The following SLX4IP variants were observed in gnomAD, a reference collection of about 807,000 sequenced individuals.
The protein encoded by SLX4IP is protein SLX4IP.
SLX4IP carries 34 observed loss-of-function variants against 32.9 expected under a neutral mutation model. The ratio of observed to expected loss-of-function variants is 1.03; its 90% CI spans 0.79 to 1.38. The LOEUF (loss-of-function observed/expected upper bound fraction) is 1.38, where lower values mean the gene tolerates loss of function less well. Ranked by LOEUF, SLX4IP falls within the 40% of genes most tolerant of loss-of-function variation. The probability of loss-of-function intolerance (pLI) is 0.00; values close to 1 mark genes in which losing one functional copy is unlikely to be tolerated. For synonymous variants in SLX4IP, 172 were observed against 171.7 expected, an observed-to-expected ratio of 1.00 and a Z score of -0.01; for missense variants, 444 against 479.0, an observed-to-expected ratio of 0.93 and a Z score of 0.68.
intron 6 of SLX4IP, among the ~76,000 whole-genome samples, chr20:10,616,136 G>A (rs920611808): frequency 6.6e-6 from 1 of 152,086 alleles, no homozygotes. Flanking sequence ...ACCAAAGATT[G>A]TCGAGTCACC....
chr20:10,531,335 G>A (rs1347121521), intron 2 of SLX4IP, among the ~76,000 whole-genome samples: 3 of 152,308 alleles, frequency 2.0e-5, no homozygotes, highest in Non-Finnish European at 4.4e-5. Flanking sequence ...ATTGCATAGG[G>A]TTTGAGGTAT....
rs1246182956 is a variant in SLX4IP at position 10,624,734 on chromosome 20, G to C, written c.*1355G>C. ...AGGCATAGTGTAGGTTCATGCTTGA[G>C]ATGGATTAGTGGTTTATTCCATCCC... On this transcript the variant is annotated 3_prime_UTR_variant, in exon 8 of 8. Transcript: ENST00000334534. The C allele has an allele frequency of 6.6e-6, 1 of 152,128 alleles. No individual in the cohort carries two copies. Among genetic ancestry groups the C allele is most frequent in the Non-Finnish European group, 1.5e-5 (1 of 68,030 alleles). 9.4% of individuals were successfully genotyped at this position (152,128 alleles called of 1,614,324 possible).
rs1262211722 is a variant in SLX4IP at position 10,624,809 on chromosome 20, A to C, written c.*1430A>C. The C allele has an allele frequency of 1.3e-5, 2 of 152,036 alleles. No homozygotes were observed. Among genetic ancestry groups the C allele is most frequent in the Non-Finnish European group, 2.9e-5 (2 of 68,038 alleles). 9.4% of individuals were successfully genotyped at this position (152,036 alleles called of 1,614,324 possible). A position where few individuals can be genotyped will look rare whatever the true frequency, so the allele number is the denominator to read the frequency against. On this transcript the variant is annotated 3_prime_UTR_variant, in exon 8 of 8. Coordinates refer to ENST00000334534, the MANE Select transcript of SLX4IP (RefSeq NM_001009608.3). ...GTCCCCACTTGTTAAGACCAGTAAGACTCATGAAGCAGCAGCTATATTTCA... is the reference window on the plus strand; with the variant it reads ...GTCCCCACTTGTTAAGACCAGTAAGCCTCATGAAGCAGCAGCTATATTTCA...
intron 2 of SLX4IP, among the ~76,000 whole-genome samples, chr20:10,535,734 A>G (rs186800906): frequency 1.3e-5 from 2 of 152,350 alleles, no homozygotes; most frequent in East Asian, 1.9e-4. Flanking sequence ...CCTGTGTTGC[A>G]TGCACATTCA....
chr20:10,580,948 T>A (rs186525516), intron 4 of SLX4IP, among the ~76,000 whole-genome samples: 17 of 152,226 alleles, frequency 1.1e-4, no homozygotes, highest in East Asian at 3.9e-4. Context: ...ATAGAAATGA[T>A]TGACAATAAT....
chr20:10,624,355 A>C lies in SLX4IP; in HGVS notation c.*976A>C, dbSNP rs1019239583. 2.6e-5 allele frequency: 4 copies of C among 152,292 alleles called. No homozygotes were observed. The highest frequency in any genetic ancestry group is 9.6e-5 in the African/African-American group (4 of 41,558). 9.4% of individuals were successfully genotyped at this position (152,292 alleles called of 1,614,324 possible). A position where few individuals can be genotyped will look rare whatever the true frequency, so the allele number is the denominator to read the frequency against. On this transcript the variant is annotated 3_prime_UTR_variant, in exon 8 of 8. Coordinates refer to ENST00000334534, the MANE Select transcript of SLX4IP (RefSeq NM_001009608.3). ...ACCAGGTTCCAGTTTCCCAGTTGGA[A>C]GGCTTCGCAGGCAGTTCAAATTTCA... is the stretch of plus-strand genomic sequence containing the variant.
chr20:10,475,885 A>G (rs1474459103), intron 2 of SLX4IP, among the ~76,000 whole-genome samples: 1 of 152,220 alleles, frequency 6.6e-6, no homozygotes, highest in Non-Finnish European at 1.5e-5. Context: ...TTTACAATTT[A>G]GAGACTTTGC....
At position 10,621,398 on chromosome 20, in the gene SLX4IP, A is replaced by C. The variant is rs1181817985; in HGVS notation, c.490A>C (p.Asn164His). ...TCCTCCCAGTGCAAAGCTCCGGAGA[A>C]ATGCTCTGAAAGAAATGTAGGTGCA... The part of the protein sequence containing the change: ...SLPPSAKLRR[N>H]ALKEIVKRTE... Residue 164 changes from asparagine (N) to histidine (H), a missense_variant, in exon 7 of 8, where the codon AAT becomes CAT. Asn to His is a moderately conservative substitution (Grantham distance 68). Transcript: ENST00000334534. 6.2e-7 allele frequency: 1 copy of C among 1,614,022 alleles called. No homozygotes were observed. Among genetic ancestry groups the C allele is most frequent in the East Asian group, 2.2e-5 (1 of 44,890 alleles).
At chr20:10,445,311 CTTTTTTTTTTTT>C (rs36058168) in intron 1 of SLX4IP, among the ~76,000 whole-genome samples, 9 of 90,186 alleles carry the variant, frequency 1.0e-4, no homozygotes, top group South Asian at 4.1e-4. Context: ...TTTTTTCTTT[CTTTTTTTTTTTT>C]TTTTTTTTTG....
intron 4 of SLX4IP, 38 bp downstream of exon 4, chr20:10,560,858 A>G (rs1425048346): frequency 1.3e-6 from 2 of 1,535,510 alleles, no homozygotes; most frequent in Admixed American, 2.1e-5. Flanking sequence ...CAAAAAATAA[A>G]TAGAATTTCT....
intron 2 of SLX4IP, among the ~76,000 whole-genome samples, chr20:10,462,778 A>G (rs1600896192): frequency 6.6e-6 from 1 of 152,232 alleles, no homozygotes; most frequent in Non-Finnish European, 1.5e-5. Flanking sequence ...TTTTGCCTAG[A>G]AAGTGTAAGG....
intron 6 of SLX4IP, among the ~76,000 whole-genome samples, chr20:10,617,284 C>A (rs1169797375): frequency 6.6e-6 from 1 of 152,196 alleles, no homozygotes; most frequent in African/African-American, 2.4e-5. Context: ...TATAGATGCC[C>A]TCGCCCCATC....
intron 2 of SLX4IP, among the ~76,000 whole-genome samples, chr20:10,510,225 G>C (rs544049692): frequency 2.6e-5 from 4 of 152,338 alleles, no homozygotes; most frequent in Admixed American, 6.5e-5. Flanking sequence ...GATTGGTGAA[G>C]GGAAAGAGGC....
At chr20:10,520,371 G>A (rs994553437) in intron 2 of SLX4IP, among the ~76,000 whole-genome samples, 6 of 152,010 alleles carry the variant, frequency 3.9e-5, no homozygotes, top group African/African-American at 1.2e-4. Flanking sequence ...TTTTCAATTG[G>A]GTTATTTATC....
At chr20:10,579,996 AT>A (rs1443503730) in intron 4 of SLX4IP, among the ~76,000 whole-genome samples, 1 of 152,070 alleles carries the variant, frequency 6.6e-6, no homozygotes, top group Non-Finnish European at 1.5e-5. Context: ...TTCTCCAGAG[AT>A]TTAGATTAAA....
chr20:10,573,174 A>C (rs925729251), intron 4 of SLX4IP, among the ~76,000 whole-genome samples: 1 of 152,046 alleles, frequency 6.6e-6, no homozygotes, highest in Non-Finnish European at 1.5e-5. Context: ...TTTTGTATTT[A>C]TTTTCCCAGC....
intron 2 of SLX4IP, among the ~76,000 whole-genome samples, chr20:10,465,297 G>A (rs2065371074): frequency 6.6e-6 from 1 of 152,030 alleles, no homozygotes; most frequent in Non-Finnish European, 1.5e-5. Context: ...CAGCCCACAT[G>A]CCAGCTGCTT....
At chr20:10,496,547 T>A (rs1252162785) in intron 2 of SLX4IP, among the ~76,000 whole-genome samples, 1 of 152,198 alleles carries the variant, frequency 6.6e-6, no homozygotes, top group East Asian at 1.9e-4. Context: ...TTTTGCTTTA[T>A]CATCCCATAA....
In SLX4IP at chr20:10,586,144, G is replaced by A. The variant is rs1012513200; in HGVS notation, c.239-12531G>A. Among the ~76,000 whole-genome samples the A allele has an allele frequency of 2.6e-5, 4 of 152,200 alleles. No individual in the cohort carries two copies. In the South Asian group the frequency reaches 8.3e-4, roughly 32 times the overall value. ...TGTCCCTTGAATATCTCTCTCTCTT[G>A]TTAGTCCTATGGCTACTGATGATCC... is the stretch of plus-strand genomic sequence containing the variant. On this transcript the variant is annotated intron_variant, in intron 4 of 7. Coordinates refer to ENST00000334534, the MANE Select transcript of SLX4IP (RefSeq NM_001009608.3).
Sources: allele counts gnomAD v4.1 joint callset (sites outside exome capture counted in the v4.1 genomes callset), GRCh38; gene constraint gnomAD v4.1.1; transcripts MANE v1.5; gene names NCBI Gene and HGNC (gene_info 2026-07-23, HGNC 2026-07-21).